Variants in POMT2 observed in about 807,000 individuals in gnomAD.
POMT2 encodes protein O-mannosyl-transferase 2.
A neutral mutation model predicts 100.0 loss-of-function variants in POMT2; 75 were observed. That is an observed-to-expected ratio of 0.75 (90% CI 0.62 to 0.91). POMT2 has a LOEUF of 0.91. POMT2 is among the 40% of genes least tolerant of loss of function. POMT2 has a pLI of 0.00. For synonymous variants in POMT2, 378 were observed against 374.1 expected (o/e 1.01, Z -0.12); for missense variants, 940 against 955.1 (o/e 0.98, Z 0.21).
In POMT2 at chr14:77,279,836, T is replaced by G; in HGVS notation, c.1878A>C (p.Pro626=). ...AGAGGACCTGACCTGCAACCTCCGC[T>G]GGCAGCCGTGCCCCTCTCTGCATGG... ...AVAMQRGARL[P]AEVAGLSQVL... The change falls in exon 18 of 21, where the codon CCA becomes CCC. Residue 626 remains proline (P), a synonymous_variant. Coordinates refer to ENST00000261534, the MANE Select transcript of POMT2 (RefSeq NM_013382.7). 6.2e-7 allele frequency: 1 copy of G among 1,613,676 alleles called. No individual in the cohort carries two copies. The highest frequency in any genetic ancestry group is 8.5e-7 in the Non-Finnish European group (1 of 1,179,970).
Position 77,279,820 on chromosome 14 carries a change from G to T in POMT2, c.1891+3C>A. 1 of 1,612,606 alleles carries T rather than the reference G, an allele frequency of 6.2e-7. No homozygotes were observed. The highest frequency in any genetic ancestry group is 1.1e-5 in the South Asian group (1 of 90,884). ...AGGGGAGGGAGAGCCCAGAGGACCT[G>T]ACCTGCAACCTCCGCTGGCAGCCGT... is the stretch of plus-strand genomic sequence containing the variant. On this transcript the variant is annotated splice_donor_region_variant and intron_variant, in intron 18 of 20. Coordinates refer to ENST00000261534, the MANE Select transcript of POMT2 (RefSeq NM_013382.7).
Position 77,277,887 on chromosome 14 carries a change from C to T in POMT2, c.2148-406G>A, listed in dbSNP as rs545847069. ...ACTCTCCCTTTCAGCCACTCAGCCA[C>T]ACACTTCCCATTCCCACCCTTCCCA... is the stretch of plus-strand genomic sequence containing the variant. On this transcript the variant is annotated intron_variant, in intron 20 of 20. Transcript: ENST00000261534. 4.6e-3 allele frequency among the ~76,000 whole-genome samples: 703 copies of T among 152,338 alleles called. 5 individuals carry two copies. The highest frequency in any genetic ancestry group is 7.6e-3 in the Non-Finnish European group (514 of 68,034).
intron 1 of POMT2, among the ~76,000 whole-genome samples, chr14:77,314,667 C>T (rs956916651): frequency 6.6e-6 from 1 of 152,190 alleles, no homozygotes; most frequent in African/African-American, 2.4e-5. Context: ...CACTGAATGT[C>T]ACCCTGGTTA....
intron 2 of POMT2, among the ~76,000 whole-genome samples, chr14:77,311,526 A>G (rs541491134): frequency 2.0e-5 from 3 of 152,282 alleles, no homozygotes; most frequent in Non-Finnish European, 2.9e-5. Context: ...GGCAACCACT[A>G]ATCTACTTTG....
intron 3 of POMT2, among the ~76,000 whole-genome samples, chr14:77,305,548 T>C: frequency 6.6e-6 from 1 of 152,230 alleles, no homozygotes; most frequent in Non-Finnish European, 1.5e-5. Flanking sequence ...ACTCCTTGTT[T>C]AATATACCAC....
In POMT2 at chr14:77,320,611, T is replaced by TG; in HGVS notation, c.70dup (p.Gln24ProfsTer4). 2.5e-6 allele frequency: 4 copies of TG among 1,589,232 alleles called. No individual in the cohort carries two copies. Among genetic ancestry groups the TG allele is most frequent in the Non-Finnish European group, 3.4e-6 (4 of 1,175,552 alleles). On this transcript the variant is annotated frameshift_variant, in exon 1 of 21. Transcript: ENST00000261534. LOFTEE classifies it high-confidence loss of function. ...GTCCCGGCCTGCGGCCCTAGCAGCC[T>TG]GGGGGCCACAGCGGCCCCTCCGGGG...
chr14:77,317,101 C>A (rs1891661363), intron 1 of POMT2, among the ~76,000 whole-genome samples: 1 of 152,116 alleles, frequency 6.6e-6, no homozygotes, highest in South Asian at 2.1e-4. Context: ...GGGCTAGGCA[C>A]AACGTAAGGG....
intron 2 of POMT2, among the ~76,000 whole-genome samples, chr14:77,311,239 G>A (rs947741567): frequency 6.6e-6 from 1 of 152,216 alleles, no homozygotes; most frequent in Non-Finnish European, 1.5e-5. Context: ...GCTGGGCATG[G>A]GAAGGGAGAA....
At position 77,300,819 on chromosome 14, in the gene POMT2, C is replaced by CAA. The variant is rs748794664; in HGVS notation, c.816+269_816+270dup. The stretch of plus-strand genomic sequence containing the variant: ...TGGGTAACAGAGTGAAACTCTATCT[C>CAA]AAAAAAAAAAAAAAGACAGACATTA... On this transcript the variant is annotated intron_variant, in intron 6 of 20. Transcript: ENST00000261534. 64,267 of 333,890 alleles carry CAA rather than the reference C, an allele frequency of 0.19. 4,983 individuals carry two copies. Among genetic ancestry groups the CAA allele is most frequent in the East Asian group, 0.3 (3,938 of 13,102 alleles). The allele number at this position is 333,890 out of a possible 1,614,324, so 20.7% of individuals were successfully genotyped here.
rs200976246 is a variant in POMT2 at position 77,285,541 on chromosome 14, C to T, written c.1424G>A (p.Arg475His). 7 of 1,614,036 alleles carry T rather than the reference C, an allele frequency of 4.3e-6. No homozygotes were observed. The South Asian group carries it at 4.4e-5, about 10-fold the overall frequency. The change falls in exon 13 of 21, where the codon CGC (arginine) becomes CAC (histidine). Residue 475 changes from arginine (R) to histidine (H), a missense_variant. Arg to His is a conservative substitution (Grantham distance 29, BLOSUM62 0). Transcript: ENST00000261534. ...NRIKVLRSRIRFIHLVTGCVL... is the reference protein window; with the variant it reads ...NRIKVLRSRIHFIHLVTGCVL... ...ACAACCTGTGACCAAATGGATGAAG[C>T]GAATTCGACTTCTCAGCACTTTGAT...
At chr14:77,310,206 G>A (rs993513927) in intron 2 of POMT2, among the ~76,000 whole-genome samples, 6 of 152,192 alleles carry the variant, frequency 3.9e-5, no homozygotes, top group Admixed American at 3.3e-4. Context: ...TCTGAGGAGT[G>A]AGCCAAGGCA....
chr14:77,291,466 C>G (rs1594789080), intron 9 of POMT2, 86 bp from the exon 10 acceptor site: 1 of 1,542,346 alleles, frequency 6.5e-7, no homozygotes, highest in Admixed American at 1.9e-5. Context: ...GACAATCAAC[C>G]TCAAACCAAT....
rs140553161 is a variant in POMT2, at chr14:77,307,490, G to A, written c.334-1049C>T. 7.9e-5 allele frequency among the ~76,000 whole-genome samples: 12 copies of A among 152,296 alleles called. No individual in the cohort carries two copies. The South Asian group carries it at 2.5e-3, about 32-fold the overall frequency. ...GGCAGGGACCCCAGGGTTCAGACAG[G>A]GTCATCCAAATAGCTAGATGAACTA... On this transcript the variant is annotated intron_variant, in intron 2 of 20. Coordinates refer to ENST00000261534, the MANE Select transcript of POMT2 (RefSeq NM_013382.7).
At chr14:77,290,639 CACAGCCTGCAGGTAGCT>C (rs1299104409) in intron 10 of POMT2, among the ~76,000 whole-genome samples, 27 of 152,228 alleles carry the variant, frequency 1.8e-4, no homozygotes, top group Admixed American at 6.5e-5. Flanking sequence ...GCAGCAGAGG[CACAGCCTGCAGGTAGCT>C]AGCTGTCTGA....
At chr14:77,304,115 T>A (rs1387047718) in intron 4 of POMT2, among the ~76,000 whole-genome samples, 2 of 152,172 alleles carry the variant, frequency 1.3e-5, no homozygotes, top group Non-Finnish European at 2.9e-5. Context: ...AAGTACCCCA[T>A]TTAAATTGGT....
At chr14:77,289,498 T>A (rs1890565453) in intron 10 of POMT2, among the ~76,000 whole-genome samples, 1 of 151,884 alleles carries the variant, frequency 6.6e-6, no homozygotes, top group East Asian at 1.9e-4. Context: ...TATGAACGAG[T>A]GTGGCCAGAC....
intron 1 of POMT2, among the ~76,000 whole-genome samples, chr14:77,319,747 A>G (rs772156614): frequency 3.9e-5 from 6 of 152,212 alleles, no homozygotes; most frequent in African/African-American, 7.2e-5. Context: ...TTCCTGTAAT[A>G]AAGTCCTTTG....
chr14:77,292,020 ACT>A (rs1890660842), intron 9 of POMT2, among the ~76,000 whole-genome samples: 2 of 151,912 alleles, frequency 1.3e-5, no homozygotes, highest in Non-Finnish European at 2.9e-5. Flanking sequence ...ACAGAGCAAG[ACT>A]CTATCTTGGG....
intron 8 of POMT2, among the ~76,000 whole-genome samples, chr14:77,296,753 C>A (rs1009332785): frequency 2.6e-5 from 4 of 152,144 alleles, no homozygotes; most frequent in African/African-American, 4.8e-5. Flanking sequence ...AATTAAAAAA[C>A]AAAAAACACA....
Sources: gnomAD v4.1 joint callset for allele counts (sites outside exome capture counted in the v4.1 genomes callset) on GRCh38, gnomAD v4.1.1 for gene constraint, MANE v1.5 for transcripts, NCBI Gene and HGNC (gene_info 2026-07-23, HGNC 2026-07-21) for gene names.